AFAP1: variants seen among roughly 807,000 people sequenced by gnomAD.
AFAP1 encodes the protein actin filament-associated protein 1.
In AFAP1, 75 loss-of-function variants were observed where a neutral mutation model predicts 93.9. The ratio of observed to expected loss-of-function variants is 0.80; its 90% CI spans 0.66 to 0.97. AFAP1 has a LOEUF of 0.97. AFAP1 is among the 50% of genes least tolerant of loss of function. AFAP1 has a pLI of 0.00. For missense variants in AFAP1, 1,201 were observed against 1,050.8 expected (o/e 1.14, Z -1.98); for synonymous variants, 517 against 430.7 (o/e 1.20, Z -2.48).
At chr4:7,791,503 C>G (rs146695137) in intron 11 of AFAP1, among the ~76,000 whole-genome samples, 1 of 152,280 alleles carries the variant, frequency 6.6e-6, no homozygotes, top group Non-Finnish European at 1.5e-5. Context: ...GATGCCCTAC[C>G]TAATACCTGC....
At chr4:7,918,038 C>T (rs1720184806) in intron 1 of AFAP1, among the ~76,000 whole-genome samples, 1 of 152,232 alleles carries the variant, frequency 6.6e-6, no homozygotes, top group Admixed American at 6.5e-5. Flanking sequence ...TCCTGATGCC[C>T]AGAAAAGAAC....
Position 7,800,443 on chromosome 4 carries a change from T to C in AFAP1, c.1265A>G (p.Glu422Gly). Reference protein sequence around the residue: ...LRNGQEVAVLEASSSEDMGRW... With the variant: ...LRNGQEVAVLGASSSEDMGRW... ...TACAGCCCCTGGGAAATATCCTACC[T>C]CCAATACTGCAACCTCCTGGCCGTT... Residue 422 changes from glutamate to glycine, a missense_variant and splice_region_variant, in exon 10 of 18, where the codon GAG becomes GGG. Coordinates refer to ENST00000420658, the MANE Select transcript of AFAP1 (RefSeq NM_001134647.2). The C allele has an allele frequency of 6.2e-7, 1 of 1,613,988 alleles. No individual in the cohort carries two copies. The highest frequency in any genetic ancestry group is 8.5e-7 in the Non-Finnish European group (1 of 1,179,988).
At chr4:7,924,941 A>G (rs886470063) in intron 1 of AFAP1, among the ~76,000 whole-genome samples, 1 of 152,090 alleles carries the variant, frequency 6.6e-6, no homozygotes, top group Non-Finnish European at 1.5e-5. Context: ...GCCCCTAACC[A>G]ATCACATAGG....
intron 2 of AFAP1, among the ~76,000 whole-genome samples, chr4:7,871,612 A>G (rs1310112330): frequency 5.9e-5 from 9 of 152,204 alleles, no homozygotes; most frequent in Non-Finnish European, 1.3e-4. Flanking sequence ...TGCCAGTCGG[A>G]CTGTGCATCC....
intron 11 of AFAP1, 52 bp downstream of exon 11, chr4:7,793,629 G>GA: frequency 7.0e-7 from 1 of 1,427,388 alleles, no homozygotes; most frequent in Non-Finnish European, 9.3e-7. Context: ...CTAAGTTAGG[G>GA]AAAAGACAGT....
intron 4 of AFAP1, among the ~76,000 whole-genome samples, chr4:7,845,574 C>G (rs1417119100): frequency 1.3e-5 from 2 of 152,058 alleles, no homozygotes; most frequent in Non-Finnish European, 2.9e-5. Context: ...CAATGAGGGG[C>G]TGACTCAAAG....
chr4:7,914,838 C>T (rs1249206603), intron 1 of AFAP1, among the ~76,000 whole-genome samples: 1 of 152,178 alleles, frequency 6.6e-6, no homozygotes, highest in African/African-American at 2.4e-5. Context: ...GCCTCCACCT[C>T]CCAGGTTCCA....
chr4:7,765,163 G>T (rs966303286), intron 17 of AFAP1, among the ~76,000 whole-genome samples: 8 of 152,152 alleles, frequency 5.3e-5, no homozygotes, highest in African/African-American at 1.7e-4. Flanking sequence ...GGTCCAAAGT[G>T]ATGAAGCTGG....
intron 3 of AFAP1, among the ~76,000 whole-genome samples, chr4:7,867,756 CT>C (rs1716587352): frequency 6.8e-6 from 1 of 147,884 alleles, no homozygotes; most frequent in Non-Finnish European, 1.5e-5. Context: ...ATTTATGGTG[CT>C]GTGTGCCAGG....
intron 6 of AFAP1, among the ~76,000 whole-genome samples, chr4:7,826,082 T>C (rs1721392974): frequency 6.6e-6 from 1 of 152,108 alleles, no homozygotes; most frequent in African/African-American, 2.4e-5. Flanking sequence ...CAGGCCCCCT[T>C]CTAACTGGTA....
At chr4:7,914,132 G>T (rs759982491) in intron 1 of AFAP1, among the ~76,000 whole-genome samples, 1 of 150,626 alleles carries the variant, frequency 6.6e-6, no homozygotes, top group Non-Finnish European at 1.5e-5. Context: ...TCAGCTCACC[G>T]CAACCTCTGC....
intron 6 of AFAP1, among the ~76,000 whole-genome samples, chr4:7,828,237 C>A (rs1721605964): frequency 6.6e-6 from 1 of 152,198 alleles, no homozygotes; most frequent in African/African-American, 2.4e-5. Flanking sequence ...TAAGAAATCC[C>A]TATAGCGTCG....
intron 1 of AFAP1, among the ~76,000 whole-genome samples, chr4:7,913,384 T>C (rs1365695858): frequency 1.6e-5 from 2 of 128,250 alleles, no homozygotes; most frequent in African/African-American, 6.2e-5. Flanking sequence ...TAAGACCCTG[T>C]CTCCAAAAAA....
rs775653718 is a variant in AFAP1, at chr4:7,768,916, C to T, written c.2346G>A (p.Ala782=). 1.9e-5 allele frequency: 31 copies of T among 1,613,604 alleles called. No homozygotes were observed. The East Asian group carries it at 2.2e-4, about 12-fold the overall frequency. ...CAGCCTGGCTCTTCTTCAAGACGGC[C>T]GCGCTGTTCACCGGCACGGGGCCCT... ...DTEGPVPVNS[A]AVLKKSQAAP... is the part of the protein sequence containing the mutation. The change falls in exon 17 of 18, where the codon GCG becomes GCA. Residue 782 remains alanine, a synonymous_variant. Transcript: ENST00000420658.
intron 1 of AFAP1, among the ~76,000 whole-genome samples, chr4:7,896,694 G>A (rs1163283876): frequency 1.2e-5 from 1 of 82,156 alleles, no homozygotes; most frequent in African/African-American, 5.2e-5. Context: ...CACACACCCA[G>A]GGCTCAGTCC....
intron 4 of AFAP1, among the ~76,000 whole-genome samples, chr4:7,854,302 T>C (rs1440956040): frequency 6.6e-6 from 1 of 151,964 alleles, no homozygotes; most frequent in Non-Finnish European, 1.5e-5. Flanking sequence ...AGAGCACAAC[T>C]AAGTATTGAC....
intron 1 of AFAP1, among the ~76,000 whole-genome samples, chr4:7,906,958 C>T (rs1371350538): frequency 1.3e-5 from 2 of 149,916 alleles, no homozygotes; most frequent in East Asian, 2.0e-4. Flanking sequence ...GCTGAGGTCG[C>T]GCCACTGCAC....
At chr4:7,798,836 C>G (rs1241180317) in intron 10 of AFAP1, 2 of 974,276 alleles carry the variant, frequency 2.1e-6, no homozygotes, top group African/African-American at 1.8e-5. Flanking sequence ...CCACCCCCAC[C>G]GCACCCCGAG....
At chr4:7,892,778 T>C (rs1013583564) in intron 1 of AFAP1, among the ~76,000 whole-genome samples, 21 of 152,134 alleles carry the variant, frequency 1.4e-4, no homozygotes, top group African/African-American at 4.6e-4. Flanking sequence ...CATTTGAGAC[T>C]GCACCCTGAC....
Sources: gnomAD v4.1 joint callset for allele counts (sites outside exome capture counted in the v4.1 genomes callset) on GRCh38, gnomAD v4.1.1 for gene constraint, MANE v1.5 for transcripts, NCBI Gene and HGNC (gene_info 2026-07-23, HGNC 2026-07-21) for gene names.